The following EPB41L3 variants were observed in gnomAD, a reference collection of about 807,000 sequenced individuals.
The protein encoded by EPB41L3 is erythrocyte membrane protein band 4.1 like 3, also known as band 4.1-like protein 3.
EPB41L3 carries 57 observed loss-of-function variants against 127.1 expected under a neutral mutation model. The ratio of observed to expected loss-of-function variants is 0.45; its 90% CI spans 0.36 to 0.56. The LOEUF (loss-of-function observed/expected upper bound fraction) is 0.56, where lower values mean the gene tolerates loss of function less well. Among genes scored for constraint, EPB41L3 ranks in the 20% least tolerant of loss-of-function variants. The probability of loss-of-function intolerance (pLI) is 0.00; values close to 1 mark genes in which losing one functional copy is unlikely to be tolerated. For missense variants in EPB41L3, 1,273 were observed against 1,372.2 expected (o/e 0.93, Z 1.14); for synonymous variants, 572 against 549.5 (o/e 1.04, Z -0.57).
chr18:5,606,172 T>C (rs1474088997), intron 3 of EPB41L3, among the ~76,000 whole-genome samples: 2 of 152,196 alleles, frequency 1.3e-5, no homozygotes, highest in African/African-American at 4.8e-5. Flanking sequence ...GACCTTTCCA[T>C]GCAACATATA....
intron 1 of EPB41L3, among the ~76,000 whole-genome samples, chr18:5,513,413 GAGA>G (rs60909421): frequency 0.01 from 1,527 of 152,324 alleles, 29 homozygotes; most frequent in African/African-American, 0.035. Context: ...CAAGGTTAAA[GAGA>G]AGGTGACAGT....
In EPB41L3 at chr18:5,403,739, T is replaced by C. The variant is rs115319230; in HGVS notation, c.2349+3038A>G. Among the ~76,000 whole-genome samples the C allele has an allele frequency of 6.3e-3, 959 of 152,210 alleles. 11 individuals are homozygous for C. Among genetic ancestry groups the C allele is most frequent in the African/African-American group, 0.022 (902 of 41,556 alleles). On this transcript the variant is annotated intron_variant, in intron 16 of 22. Coordinates refer to ENST00000341928, the MANE Select transcript of EPB41L3 (RefSeq NM_012307.5). ...AAAAATTGAGTTAAATATTTCCATTTGGAAGTAACTGGATTTCTTTCTAAA... is the reference window on the plus strand; with the variant it reads ...AAAAATTGAGTTAAATATTTCCATTCGGAAGTAACTGGATTTCTTTCTAAA...
In EPB41L3 at chr18:5,489,855, C is replaced by T. The variant is rs115982692; in HGVS notation, c.-11-661G>A. Among the ~76,000 whole-genome samples the T allele has an allele frequency of 4.3e-3, 655 of 152,290 alleles. 6 individuals carry two copies. The highest frequency in any genetic ancestry group is 0.015 in the African/African-American group (625 of 41,550). Reference sequence around the variant, plus strand: ...TTAATTCTCATCTTCTTCCTGGCTTCCCCCTATTTCCATTGAGTGTTGAAA... The same window carrying T: ...TTAATTCTCATCTTCTTCCTGGCTTTCCCCTATTTCCATTGAGTGTTGAAA... On this transcript the variant is annotated intron_variant, in intron 1 of 22. Coordinates refer to ENST00000341928, the MANE Select transcript of EPB41L3 (RefSeq NM_012307.5).
intron 2 of EPB41L3, among the ~76,000 whole-genome samples, chr18:5,486,071 T>C (rs1383854899): frequency 1.3e-5 from 2 of 152,074 alleles, no homozygotes; most frequent in Non-Finnish European, 2.9e-5. Flanking sequence ...GGAGGTATCA[T>C]ACTACCTGAC....
chr18:5,409,705 G>A (rs1221250520), intron 14 of EPB41L3, among the ~76,000 whole-genome samples: 1 of 54,572 alleles, frequency 1.8e-5, no homozygotes, highest in African/African-American at 4.5e-5. Context: ...ATTATAATAG[G>A]ATGATGCAAA....
intron 3 of EPB41L3, among the ~76,000 whole-genome samples, chr18:5,555,214 G>A (rs1331863067): frequency 1.3e-5 from 2 of 152,112 alleles, no homozygotes; most frequent in Non-Finnish European, 2.9e-5. Flanking sequence ...CCCAACCTCT[G>A]CCTCCACCAG....
At chr18:5,478,946 G>A (rs2087822139) in intron 2 of EPB41L3, among the ~76,000 whole-genome samples, 1 of 152,196 alleles carries the variant, frequency 6.6e-6, no homozygotes, top group African/African-American at 2.4e-5. Context: ...CTGTTAAAAT[G>A]TTTAATTTAG....
intron 3 of EPB41L3, among the ~76,000 whole-genome samples, chr18:5,453,097 A>G (rs2082518898): frequency 6.6e-6 from 1 of 152,220 alleles, no homozygotes; most frequent in Admixed American, 6.5e-5. Context: ...TCTGTGCCCA[A>G]GACAATGAGT....
At chr18:5,549,615 T>C (rs908544738) in intron 3 of EPB41L3, among the ~76,000 whole-genome samples, 1 of 152,206 alleles carries the variant, frequency 6.6e-6, no homozygotes, top group Non-Finnish European at 1.5e-5. Context: ...ACACCATTGA[T>C]ATCAGAATCA....
At chr18:5,578,962 C>G (rs932391524) in intron 3 of EPB41L3, among the ~76,000 whole-genome samples, 1 of 152,184 alleles carries the variant, frequency 6.6e-6, no homozygotes, top group African/African-American at 2.4e-5. Context: ...TTCAACAGTG[C>G]TGAAACAGCT....
At chr18:5,586,866 C>G (rs1220263821) in intron 3 of EPB41L3, among the ~76,000 whole-genome samples, 1 of 152,134 alleles carries the variant, frequency 6.6e-6, no homozygotes, top group Non-Finnish European at 1.5e-5. Context: ...GAAAAACAGA[C>G]TCAGTATTTG....
At chr18:5,417,541 C>T (rs969272848) in intron 12 of EPB41L3, among the ~76,000 whole-genome samples, 3 of 152,060 alleles carry the variant, frequency 2.0e-5, no homozygotes, top group African/African-American at 7.3e-5. Context: ...TGTGTCACTG[C>T]GTGTGTGTAT....
chr18:5,455,703 T>C (rs141561565), intron 3 of EPB41L3, among the ~76,000 whole-genome samples: 40 of 151,278 alleles, frequency 2.6e-4, no homozygotes, highest in African/African-American at 9.7e-4. Flanking sequence ...CTCAGAGATG[T>C]GCACTGTGGT....
upstream of EPB41L3, among the ~76,000 whole-genome samples, chr18:5,629,415 C>CCCCACA (rs1555828629): frequency 7.0e-6 from 1 of 143,756 alleles, no homozygotes; most frequent in South Asian, 2.3e-4. Context: ...TCCTTACACA[C>CCCCACA]CACACACACA....
chr18:5,540,611 GCTA>G lies in EPB41L3; in HGVS notation c.-12+3299_-12+3301del, dbSNP rs1022849912. On this transcript the variant is annotated intron_variant, in intron 1 of 22. Transcript: ENST00000341928. ...TGAATTCCCAACAAATCAGCAGCTA[GCTA>G]GCCGTTTGAAAGAAATAGATGCAGC... The G allele has an allele frequency of 5.3e-6, 5 of 942,854 alleles. No individual in the cohort carries two copies. The African/African-American group carries it at 8.9e-5, about 17-fold the overall frequency. 58.4% of individuals were successfully genotyped at this position (942,854 alleles called of 1,614,324 possible).
chr18:5,488,693 C>T, intron 2 of EPB41L3: 1 of 296,836 alleles, frequency 3.4e-6, no homozygotes, highest in Non-Finnish European at 6.1e-6. Flanking sequence ...AAAAAGCAAC[C>T]ACAAGCATAA....
Position 5,624,235 on chromosome 18 carries a change from T to C in EPB41L3, c.-468+4687A>G, listed in dbSNP as rs1374508868. On this transcript the variant is annotated intron_variant, in intron 1 of 21. Coordinates refer to the EPB41L3 transcript ENST00000545076. ...CAGGCTGGTCTTTGGCCTCAAATGA[T>C]CATCCCACCTCAGCCTCTGAAATTG... 4.7e-4 allele frequency among the ~76,000 whole-genome samples: 72 copies of C among 152,182 alleles called. 1 individual carries two copies. Among genetic ancestry groups the C allele is most frequent in the Admixed American group, 4.7e-3 (72 of 15,278 alleles).
At chr18:5,425,988 A>C (rs1379064115) in intron 9 of EPB41L3, among the ~76,000 whole-genome samples, 1 of 152,110 alleles carries the variant, frequency 6.6e-6, no homozygotes, top group Non-Finnish European at 1.5e-5. Flanking sequence ...GTAACATATG[A>C]TACTGCTAGC....
At chr18:5,563,577 C>T (rs1308859777) in intron 3 of EPB41L3, among the ~76,000 whole-genome samples, 6 of 152,076 alleles carry the variant, frequency 3.9e-5, no homozygotes, top group Admixed American at 2.6e-4. Flanking sequence ...CTTGACGTCC[C>T]ATTACTTGAC....
Sources: allele counts gnomAD v4.1 joint callset (sites outside exome capture counted in the v4.1 genomes callset), GRCh38; gene constraint gnomAD v4.1.1; transcripts MANE v1.5; gene names NCBI Gene and HGNC (gene_info 2026-07-23, HGNC 2026-07-21).